The following RBM19 variants were observed in gnomAD, a reference collection of about 807,000 sequenced individuals.
The protein encoded by RBM19 is probable RNA-binding protein 19.
In RBM19, 94 loss-of-function variants were observed where a neutral mutation model predicts 116.8. That is an observed-to-expected ratio of 0.80 (90% CI 0.68 to 0.95). The LOEUF (loss-of-function observed/expected upper bound fraction) is 0.95, where lower values mean the gene tolerates loss of function less well. Among genes scored for constraint, RBM19 ranks in the 40% least tolerant of loss-of-function variants. The pLI, the probability that RBM19 is intolerant of heterozygous loss-of-function variation, is 0.00. For synonymous variants in RBM19, 475 were observed against 494.1 expected (o/e 0.96, Z 0.51); for missense variants, 1,161 against 1,220.7 (o/e 0.95, Z 0.73).
intron 2 of RBM19, among the ~76,000 whole-genome samples, chr12:113,960,506 T>G (rs1224885727): frequency 6.6e-6 from 1 of 152,212 alleles, no homozygotes; most frequent in African/African-American, 2.4e-5. Flanking sequence ...GCTATGACTT[T>G]CTACAATTCA....
intron 21 of RBM19, among the ~76,000 whole-genome samples, chr12:113,896,637 T>C (rs1239991923): frequency 6.6e-6 from 1 of 152,050 alleles, no homozygotes; most frequent in Non-Finnish European, 1.5e-5. Context: ...TGTTCTGAAA[T>C]GCATTTTACA....
chr12:113,896,660 T>C (rs1301727876), intron 21 of RBM19, among the ~76,000 whole-genome samples: 1 of 151,394 alleles, frequency 6.6e-6, no homozygotes, highest in African/African-American at 2.4e-5. Context: ...AGAACAGAGG[T>C]GAGGAGAGGG....
At chr12:113,879,294 C>T (rs1047082756) in intron 21 of RBM19, among the ~76,000 whole-genome samples, 56 of 151,976 alleles carry the variant, frequency 3.7e-4, no homozygotes, top group African/African-American at 1.3e-3. Flanking sequence ...TGGACCTGTC[C>T]CTTCCCTGTC....
chr12:113,824,994 A>G (rs1396930917), intron 23 of RBM19, among the ~76,000 whole-genome samples: 1 of 152,144 alleles, frequency 6.6e-6, no homozygotes, highest in Non-Finnish European at 1.5e-5. Flanking sequence ...GGCAGCACCC[A>G]GATCTCCCTC....
chr12:113,960,484 A>T (rs1872397506), intron 2 of RBM19, among the ~76,000 whole-genome samples: 1 of 152,232 alleles, frequency 6.6e-6, no homozygotes, highest in Admixed American at 6.5e-5. Flanking sequence ...CGAGCCTCTC[A>T]TGTCAGTGAC....
chr12:113,948,530 T>C (rs2135923239), intron 10 of RBM19, among the ~76,000 whole-genome samples: 1 of 152,300 alleles, frequency 6.6e-6, no homozygotes, highest in East Asian at 1.9e-4. Flanking sequence ...CAAGGGAGTA[T>C]CTCAAAAAAG....
intron 21 of RBM19, among the ~76,000 whole-genome samples, chr12:113,901,599 C>T (rs956558269): frequency 2.0e-5 from 3 of 152,198 alleles, no homozygotes; most frequent in African/African-American, 7.2e-5. Context: ...ACCTCCACCT[C>T]CTGGGTTCAA....
chr12:113,944,353 C>G (rs919089983), intron 13 of RBM19, among the ~76,000 whole-genome samples: 4 of 151,888 alleles, frequency 2.6e-5, no homozygotes, highest in Non-Finnish European at 4.4e-5. Context: ...CTGCCTCAGC[C>G]TTCCAAAGAG....
chr12:113,838,156 C>T (rs1489385392), intron 23 of RBM19, among the ~76,000 whole-genome samples: 1 of 152,218 alleles, frequency 6.6e-6, no homozygotes, highest in African/African-American at 2.4e-5. Context: ...GGGAACCCAC[C>T]CCGGGTAGGG....
At chr12:113,884,652 C>T (rs2135794936) in intron 21 of RBM19, among the ~76,000 whole-genome samples, 1 of 152,250 alleles carries the variant, frequency 6.6e-6, no homozygotes, top group Middle Eastern at 3.4e-3. Context: ...TCACCCACTG[C>T]AGAGAACTAG....
At position 113,920,814 on chromosome 12, in the gene RBM19, C is replaced by T. The variant is rs144730831; in HGVS notation, c.2306-124G>A. 1.8e-3 allele frequency: 1,508 copies of T among 848,190 alleles called. 7 individuals are homozygous for T. The highest frequency in any genetic ancestry group is 4.0e-3 in the African/African-American group (237 of 58,830). The allele number at this position is 848,190 out of a possible 1,614,324, so 52.5% of individuals were successfully genotyped here. A position where few individuals can be genotyped will look rare whatever the true frequency, so the allele number is the denominator to read the frequency against. ...TCTTCTTTTCATACCCCCTTCATTCCCCCCAAAAATCTCAGCACCTGGCTT... is the reference window on the plus strand; with the variant it reads ...TCTTCTTTTCATACCCCCTTCATTCTCCCCAAAAATCTCAGCACCTGGCTT... On this transcript the variant is annotated intron_variant, in intron 18 of 23. Coordinates refer to ENST00000261741, the MANE Select transcript of RBM19 (RefSeq NM_016196.4).
chr12:113,920,665 T>A lies in RBM19; in HGVS notation c.2331A>T (p.Gly777=). The part of the protein sequence containing the change: ...KAGVLLSMGF[G]FVEYRKPEQA... ...GCTCCGGCTTCCTGTATTCCACAAA[T>A]CCAAACCCCATGGAAAGGAGCACTC... is the stretch of plus-strand genomic sequence containing the variant. Residue 777 remains glycine (G), a synonymous_variant, in exon 19 of 24, where the codon GGA becomes GGT. Coordinates refer to ENST00000261741, the MANE Select transcript of RBM19 (RefSeq NM_016196.4). The A allele has an allele frequency of 6.2e-6, 10 of 1,613,818 alleles. No homozygotes were observed. The highest frequency in any genetic ancestry group is 8.5e-6 in the Non-Finnish European group (10 of 1,179,950).
rs2290787 is a variant in RBM19, at chr12:113,937,082, T to A, written c.1993A>T (p.Thr665Ser). Reference protein sequence around the residue: ...EWAPVGVFSSTAPQKKKLQDT... With the variant: ...EWAPVGVFSSSAPQKKKLQDT... ...TGGAGCTTTTTCTTCTGTGGGGCTG[T>A]GCTGGAGAAGACGCCAACTGGAGCC... Residue 665 changes from threonine (T) to serine (S), a missense_variant, in exon 16 of 24, where the codon ACA (threonine) becomes TCA (serine). Coordinates refer to ENST00000261741, the MANE Select transcript of RBM19 (RefSeq NM_016196.4). The A allele has an allele frequency of 0.014, 22,027 of 1,613,974 alleles. 2,523 individuals are homozygous for A. The African/African-American group carries it at 0.25, about 19-fold the overall frequency.
chr12:113,823,293 C>T lies in RBM19; in HGVS notation c.2814G>A (p.Val938=). Residue 938 remains valine, a synonymous_variant, in exon 24 of 24, where the codon GTG becomes GTA. Coordinates refer to ENST00000261741, the MANE Select transcript of RBM19 (RefSeq NM_016196.4). ...CCAGCTGCTCCAGGATCTCGTCCAA[C>T]ACCACAGACCGCTTTTTCTTCGGGG... is the stretch of plus-strand genomic sequence containing the variant. ...HEPPKKKRSV[V]LDEILEQLEG... 1 of 1,613,316 alleles carries T rather than the reference C, an allele frequency of 6.2e-7. No homozygotes were observed. Among genetic ancestry groups the T allele is most frequent in the Non-Finnish European group, 8.5e-7 (1 of 1,180,034 alleles).
At chr12:113,848,243 G>A (rs1305258134) in intron 22 of RBM19, among the ~76,000 whole-genome samples, 1 of 152,180 alleles carries the variant, frequency 6.6e-6, no homozygotes, top group Admixed American at 6.5e-5. Context: ...GCTAAAGAGT[G>A]GGGAGAAGGG....
intron 7 of RBM19, 147 bp from the exon 8 acceptor site, chr12:113,952,737 C>A: frequency 1.7e-6 from 1 of 593,574 alleles, no homozygotes; most frequent in Non-Finnish European, 2.9e-6. Context: ...ATCGCTTCTC[C>A]AATTACCTTG....
intron 21 of RBM19, among the ~76,000 whole-genome samples, chr12:113,887,404 G>A (rs1348057369): frequency 3.3e-5 from 5 of 152,018 alleles, no homozygotes; most frequent in South Asian, 2.1e-4. Context: ...TTGGGAGGCC[G>A]AGGTGGGCAC....
At chr12:113,944,199 G>A (rs556068376) in intron 13 of RBM19, among the ~76,000 whole-genome samples, 39 of 146,546 alleles carry the variant, frequency 2.7e-4, no homozygotes, top group Non-Finnish European at 4.6e-4. Context: ...CTGGGTTCAA[G>A]CGATTCTCCT....
At chr12:113,953,062 A>C (rs1871606856) in intron 7 of RBM19, among the ~76,000 whole-genome samples, 1 of 152,260 alleles carries the variant, frequency 6.6e-6, no homozygotes, top group Admixed American at 6.5e-5. Context: ...AGTGAGTTTA[A>C]TAAAACCTAC....
Sources: gnomAD v4.1 joint callset for allele counts (sites outside exome capture counted in the v4.1 genomes callset) on GRCh38, gnomAD v4.1.1 for gene constraint, MANE v1.5 for transcripts, NCBI Gene and HGNC (gene_info 2026-07-23, HGNC 2026-07-21) for gene names.